Variants in TCERG1L observed in about 807,000 individuals in gnomAD.
The protein encoded by TCERG1L is transcription elongation regulator 1-like protein.
In TCERG1L, 37 loss-of-function variants were observed where a neutral mutation model predicts 56.3. The observed-to-expected ratio is 0.66, with a 90% CI of 0.51 to 0.87. TCERG1L has a LOEUF of 0.87. TCERG1L is among the 40% of genes least tolerant of loss of function. The probability of loss-of-function intolerance (pLI) is 0.00; values close to 1 mark genes in which losing one functional copy is unlikely to be tolerated. For missense variants in TCERG1L, 799 were observed against 774.2 expected, an observed-to-expected ratio of 1.03 and a Z score of -0.38; for synonymous variants, 324 against 326.3, an observed-to-expected ratio of 0.99 and a Z score of 0.08.
At chr10:131,155,212 G>T (rs1047961143) in intron 6 of TCERG1L, among the ~76,000 whole-genome samples, 1 of 152,214 alleles carries the variant, frequency 6.6e-6, no homozygotes, top group East Asian at 1.9e-4. Flanking sequence ...CTGGGCTCAG[G>T]TGTCTGTGCT....
chr10:131,173,575 C>T (rs1472114085), intron 4 of TCERG1L, among the ~76,000 whole-genome samples: 3 of 152,184 alleles, frequency 2.0e-5, no homozygotes, highest in Non-Finnish European at 4.4e-5. Context: ...AAGGTGCCTG[C>T]GTGCCATCTT....
At chr10:131,227,320 C>T (rs1344475941) in intron 4 of TCERG1L, among the ~76,000 whole-genome samples, 4 of 152,198 alleles carry the variant, frequency 2.6e-5, no homozygotes. Context: ...AAGCTGGGCT[C>T]GGAGCTGGCC....
intron 4 of TCERG1L, among the ~76,000 whole-genome samples, chr10:131,244,384 G>C (rs569616124): frequency 6.6e-6 from 1 of 152,210 alleles, no homozygotes; most frequent in East Asian, 1.9e-4. Context: ...AGGGGAGAGG[G>C]AGGTTTACGT....
chr10:131,175,267 C>T (rs1409083930), intron 4 of TCERG1L, among the ~76,000 whole-genome samples: 6 of 152,194 alleles, frequency 3.9e-5, no homozygotes, highest in African/African-American at 9.7e-5. Flanking sequence ...GTGGAGATGA[C>T]GGCACCAGCA....
intron 4 of TCERG1L, among the ~76,000 whole-genome samples, chr10:131,168,578 G>A (rs567425508): frequency 3.9e-5 from 6 of 152,326 alleles, no homozygotes; most frequent in South Asian, 2.1e-4. Flanking sequence ...TGCTGAGTTC[G>A]GATGAGGCAG....
chr10:131,269,573 G>A (rs574739525), intron 3 of TCERG1L, among the ~76,000 whole-genome samples: 1 of 152,292 alleles, frequency 6.6e-6, no homozygotes, highest in African/African-American at 2.4e-5. Flanking sequence ...GCTGGTTGGT[G>A]GAGCAGTTAG....
chr10:131,143,145 T>C (rs35781474), intron 7 of TCERG1L, among the ~76,000 whole-genome samples: 70,074 of 152,054 alleles, frequency 0.46, 17,607 homozygotes, highest in Non-Finnish European at 0.57. Flanking sequence ...GCTTTTAGCC[T>C]CGTGGTGATA....
intron 3 of TCERG1L, among the ~76,000 whole-genome samples, chr10:131,274,580 G>A (rs528203535): frequency 1.4e-4 from 22 of 152,086 alleles, no homozygotes; most frequent in South Asian, 6.2e-4. Flanking sequence ...CTTTCACTCC[G>A]GTTGTTTCGT....
At chr10:131,201,900 C>G (rs550185924) in intron 4 of TCERG1L, among the ~76,000 whole-genome samples, 1 of 152,158 alleles carries the variant, frequency 6.6e-6, no homozygotes, top group African/African-American at 2.4e-5. Flanking sequence ...CGACCTTCCT[C>G]AGAGACGAGG....
At chr10:131,285,513 A>G (rs1350277904) in intron 3 of TCERG1L, among the ~76,000 whole-genome samples, 1,081 of 59,590 alleles carry the variant, frequency 0.018, 41 homozygotes, top group East Asian at 0.084. Context: ...AGAAAGAAAG[A>G]AAGAAAGAAA....
chr10:131,287,753 T>C (rs1846561923), intron 3 of TCERG1L, among the ~76,000 whole-genome samples: 2 of 152,156 alleles, frequency 1.3e-5, no homozygotes, highest in African/African-American at 2.4e-5. Flanking sequence ...GCCATTCACA[T>C]CAATTATTAA....
chr10:131,149,360 A>G (rs947139620), intron 6 of TCERG1L, among the ~76,000 whole-genome samples: 5 of 129,240 alleles, frequency 3.9e-5, no homozygotes, highest in Non-Finnish European at 7.3e-5. Flanking sequence ...CAGGCAGACC[A>G]TTGTCCCCAG....
Position 131,146,800 on chromosome 10 carries a change from C to G in TCERG1L, c.1035-140G>C, listed in dbSNP as rs902235332. The G allele has an allele frequency of 7.4e-6, 7 of 943,048 alleles. No individual in the cohort carries two copies. In the South Asian group the frequency reaches 8.9e-5, roughly 12 times the overall value. 58.4% of individuals were successfully genotyped at this position (943,048 alleles called of 1,614,324 possible). A position where few individuals can be genotyped will look rare whatever the true frequency, so the allele number is the denominator to read the frequency against. Reference sequence around the variant, plus strand: ...AGCTTGTTTATGGATAGTATGAATACTAAAGACAAAGCCTGCCTTTTTAGG... The same window carrying G: ...AGCTTGTTTATGGATAGTATGAATAGTAAAGACAAAGCCTGCCTTTTTAGG... On this transcript the variant is annotated intron_variant, in intron 6 of 11. Coordinates refer to ENST00000368642, the MANE Select transcript of TCERG1L (RefSeq NM_174937.4).
At chr10:131,275,015 A>C (rs1846377994) in intron 3 of TCERG1L, among the ~76,000 whole-genome samples, 2 of 151,894 alleles carry the variant, frequency 1.3e-5, no homozygotes, top group Admixed American at 6.6e-5. Context: ...CCTGATCCTG[A>C]TCTCGGGCCA....
At chr10:131,115,319 T>A (rs80139688) in intron 9 of TCERG1L, among the ~76,000 whole-genome samples, 10 of 152,080 alleles carry the variant, frequency 6.6e-5, no homozygotes, top group Non-Finnish European at 1.5e-4. Context: ...AGAGACCAAG[T>A]TGGGAGAAAC....
chr10:131,198,868 C>T (rs1391563372), intron 4 of TCERG1L, among the ~76,000 whole-genome samples: 1 of 152,384 alleles, frequency 6.6e-6, no homozygotes, highest in South Asian at 2.1e-4. Context: ...GCACCCCGTG[C>T]ACCTGCAGAG....
intron 3 of TCERG1L, among the ~76,000 whole-genome samples, chr10:131,288,955 C>T (rs1380839999): frequency 6.6e-6 from 1 of 152,208 alleles, no homozygotes; most frequent in Non-Finnish European, 1.5e-5. Context: ...TGAATTTCAG[C>T]CACACCATTT....
At chr10:131,178,073 G>C (rs11017796) in intron 4 of TCERG1L, among the ~76,000 whole-genome samples, 15,277 of 152,068 alleles carry the variant, frequency 0.1, 1,374 homozygotes, top group African/African-American at 0.24. Context: ...CTCAGGAGTG[G>C]GGGGAGCCTG....
At chr10:131,254,032 G>A (rs533217322) in intron 4 of TCERG1L, among the ~76,000 whole-genome samples, 3 of 152,284 alleles carry the variant, frequency 2.0e-5, no homozygotes, top group East Asian at 3.9e-4. Flanking sequence ...CTCGGGCCAC[G>A]TGCTGGAGCT....
Sources: allele counts gnomAD v4.1 joint callset (sites outside exome capture counted in the v4.1 genomes callset), GRCh38; gene constraint gnomAD v4.1.1; transcripts MANE v1.5; gene names NCBI Gene and HGNC (gene_info 2026-07-23, HGNC 2026-07-21).